Variants in MAP2K3 observed in about 807,000 individuals in gnomAD.
MAP2K3 encodes mitogen-activated protein kinase kinase 3.
In MAP2K3, 30 loss-of-function variants were observed where a neutral mutation model predicts 46.4. The observed-to-expected ratio is 0.65, with a 90% CI of 0.48 to 0.88. The LOEUF is 0.88. MAP2K3 is among the 40% of genes least tolerant of loss of function. MAP2K3 has a pLI of 0.00. For missense variants in MAP2K3, 380 were observed against 464.5 expected (o/e 0.82, Z 1.67); for synonymous variants, 189 against 176.3 (o/e 1.07, Z -0.57).
At chr17:21,301,355 G>T (rs1156468372) in intron 5 of MAP2K3, among the ~76,000 whole-genome samples, 1 of 152,308 alleles carries the variant, frequency 6.6e-6, no homozygotes, top group Non-Finnish European at 1.5e-5. Flanking sequence ...CGGCCATGGA[G>T]ATATGAGATC....
At chr17:21,298,710 G>C (rs1338278248) in intron 2 of MAP2K3, among the ~76,000 whole-genome samples, 168 bp from the exon 3 acceptor site, 1 of 152,310 alleles carries the variant, frequency 6.6e-6, no homozygotes, top group Non-Finnish European at 1.5e-5. Flanking sequence ...GCCGTGCCCA[G>C]CTCAGTGTAG....
chr17:21,304,310 G>A, intron 7 of MAP2K3, 116 bp from the exon 8 acceptor site: 1 of 1,567,750 alleles, frequency 6.4e-7, no homozygotes, highest in South Asian at 1.2e-5. Flanking sequence ...ACTGGGGCAT[G>A]GGAGGGGGCA....
intron 1 of MAP2K3, among the ~76,000 whole-genome samples, chr17:21,298,077 C>T (rs59527187): frequency 4.7e-4 from 72 of 152,386 alleles, no homozygotes; most frequent in African/African-American, 1.3e-3. Flanking sequence ...ACCCCACATC[C>T]CATTGACTAG....
At chr17:21,300,150 G>A (rs1466964767) in intron 3 of MAP2K3, among the ~76,000 whole-genome samples, 121 of 152,388 alleles carry the variant, frequency 7.9e-4, no homozygotes, top group African/African-American at 2.8e-3. Flanking sequence ...TTGTTTTGTT[G>A]TCACTGTGTC....
At chr17:21,302,676 G>A (rs1479386760) in intron 6 of MAP2K3, among the ~76,000 whole-genome samples, 2 of 152,306 alleles carry the variant, frequency 1.3e-5, no homozygotes, top group Non-Finnish European at 2.9e-5. Context: ...AAAAGTCCTT[G>A]AGGGAGGGCA....
chr17:21,291,758 G>A (rs1365129858), intron 1 of MAP2K3: 1 of 371,696 alleles, frequency 2.7e-6, no homozygotes, highest in South Asian at 2.0e-5. Flanking sequence ...ACCTGGGTGT[G>A]TTGTCATCAA....
chr17:21,313,582 TG>T, intron 11 of MAP2K3, 45 bp downstream of exon 11: 3 of 680,200 alleles, frequency 4.4e-6, no homozygotes, highest in Non-Finnish European at 2.5e-6. Flanking sequence ...CAGGGCTGGC[TG>T]GGGCTGGGTG....
chr17:21,295,878 G>A (rs1256572014), intron 1 of MAP2K3: 9 of 1,282,696 alleles, frequency 7.0e-6, no homozygotes, highest in Non-Finnish European at 9.1e-6. Context: ...AGAGCAGAGA[G>A]AGTGCAGGGA....
chr17:21,291,175 C>T (rs1236102714), intron 1 of MAP2K3, among the ~76,000 whole-genome samples: 2 of 152,426 alleles, frequency 1.3e-5, no homozygotes, highest in East Asian at 1.9e-4. Flanking sequence ...ACCCGGGAGG[C>T]GGAGCTTGCA....
chr17:21,296,355 C>T (rs1976250575), intron 1 of MAP2K3: 1 of 458,402 alleles, frequency 2.2e-6, no homozygotes, highest in Admixed American at 3.3e-5. Context: ...AGACTTTGGC[C>T]CAGAGGCAGG....
In MAP2K3 at chr17:21,284,892, T is replaced by A. The variant is rs747776822; in HGVS notation, c.-29T>A. 1 of 1,611,172 alleles carries A rather than the reference T, an allele frequency of 6.2e-7. No homozygotes were observed. Among genetic ancestry groups the A allele is most frequent in the Non-Finnish European group, 8.5e-7 (1 of 1,179,228 alleles). On this transcript the variant is annotated 5_prime_UTR_variant, in exon 1 of 12. Coordinates refer to ENST00000342679, the MANE Select transcript of MAP2K3 (RefSeq NM_145109.3). ...GAGCCCGCAGTCCTCTAGATTAGTC[T>A]CCACCGCCGTCCAGGACCCACTTGC...
chr17:21,301,122 C>CA, intron 5 of MAP2K3, 129 bp downstream of exon 5: 1 of 1,498,528 alleles, frequency 6.7e-7, no homozygotes, highest in Non-Finnish European at 9.1e-7. Context: ...GGAGGCTCCC[C>CA]CGTCTCTTGG....
chr17:21,301,083 A>G (rs530092549), intron 5 of MAP2K3, 90 bp downstream of exon 5: 15 of 1,600,382 alleles, frequency 9.4e-6, no homozygotes, highest in Non-Finnish European at 1.3e-5. Context: ...CCAGTACGCC[A>G]GGTGCTGGGG....
chr17:21,298,285 G>C, intron 1 of MAP2K3, 128 bp from the exon 2 acceptor site: 4 of 1,363,878 alleles, frequency 2.9e-6, no homozygotes, highest in East Asian at 2.3e-5. Flanking sequence ...CTTGGAGAGA[G>C]GGGGCTCCCG....
rs146737272 is a variant in MAP2K3 at position 21,291,169 on chromosome 17, G to A, written c.49+6200G>A. 1.2e-4 allele frequency among the ~76,000 whole-genome samples: 19 copies of A among 152,408 alleles called. No homozygotes were observed. The East Asian group carries it at 2.7e-3, about 22-fold the overall frequency. ...TGAGGCAGGAGAATGGCATGAACCC[G>A]GGAGGCGGAGCTTGCAGTGAGCCGG... is the stretch of plus-strand genomic sequence containing the variant. On this transcript the variant is annotated intron_variant, in intron 1 of 11. Coordinates refer to ENST00000342679, the MANE Select transcript of MAP2K3 (RefSeq NM_145109.3).
Position 21,298,432 on chromosome 17 carries a change from G to A in MAP2K3, c.69G>A (p.Lys23=), listed in dbSNP as rs780750920. ...PQSKGKSKRK[K]DLRISCMSKP... ...TTCTAGGAAAATCCAAGAGGAAGAA[G>A]GATCTACGGATATCCTGCATGTCCA... The change falls in exon 2 of 12, where the codon AAG becomes AAA. Residue 23 remains lysine, a synonymous_variant. Coordinates refer to ENST00000342679, the MANE Select transcript of MAP2K3 (RefSeq NM_145109.3). The A allele has an allele frequency of 7.4e-6, 12 of 1,614,188 alleles. No homozygotes were observed. The highest frequency in any genetic ancestry group is 1.0e-5 in the Non-Finnish European group (12 of 1,180,062).
At chr17:21,310,739 C>G (rs539544030) in intron 9 of MAP2K3, among the ~76,000 whole-genome samples, 31 of 152,398 alleles carry the variant, frequency 2.0e-4, no homozygotes, top group African/African-American at 7.0e-4. Context: ...TCTCCGCCCC[C>G]ATGGTGGGGC....
intron 8 of MAP2K3, among the ~76,000 whole-genome samples, chr17:21,304,822 C>T (rs1437504419): frequency 6.6e-6 from 1 of 152,428 alleles, no homozygotes; most frequent in Non-Finnish European, 1.5e-5. Flanking sequence ...AGGTCCCGCC[C>T]CGCCCTCATT....
chr17:21,298,916 T>C lies in MAP2K3; in HGVS notation c.155T>C (p.Ile52Thr), dbSNP rs187946780. 1.5e-4 allele frequency: 244 copies of C among 1,613,344 alleles called. No individual in the cohort carries two copies. In the Admixed American group the frequency reaches 2.7e-3, roughly 18 times the overall value. ...CTGGACTCCCGGACCTTCATCACCA[T>C]TGGAGACAGAGTAGGTGCCAGCCGC... is the stretch of plus-strand genomic sequence containing the variant. ...RNLDSRTFIT[I>T]GDRNFEVEAD... The change falls in exon 3 of 12, where the codon ATT becomes ACT. Residue 52 changes from isoleucine (I) to threonine (T), a missense_variant. By Grantham distance (89) the Ile-to-Thr change is moderately conservative (BLOSUM62 -1). Coordinates refer to ENST00000342679, the MANE Select transcript of MAP2K3 (RefSeq NM_145109.3).
Sources: gnomAD v4.1 joint callset for allele counts (sites outside exome capture counted in the v4.1 genomes callset) on GRCh38, gnomAD v4.1.1 for gene constraint, MANE v1.5 for transcripts, NCBI Gene and HGNC (gene_info 2026-07-23, HGNC 2026-07-21) for gene names.